The following SPATS2 variants were observed in gnomAD, a reference collection of about 807,000 sequenced individuals.
The protein encoded by SPATS2 is spermatogenesis associated serine rich 2.
A neutral mutation model predicts 63.7 loss-of-function variants in SPATS2; 38 were observed. The observed-to-expected ratio is 0.60, with a 90% CI of 0.46 to 0.78. The LOEUF is 0.78. SPATS2 is among the 30% of genes least tolerant of loss of function. The pLI, the probability that SPATS2 is intolerant of heterozygous loss-of-function variation, is 0.00. For synonymous variants in SPATS2, 207 were observed against 232.9 expected (o/e 0.89, Z 1.01); for missense variants, 588 against 666.2 (o/e 0.88, Z 1.29).
At chr12:49,465,300 A>G (rs56322609) in intron 3 of SPATS2, among the ~76,000 whole-genome samples, 7,487 of 152,214 alleles carry the variant, frequency 0.049, 365 homozygotes, top group African/African-American at 0.12. Flanking sequence ...CAGTTTTACA[A>G]TCCCACCAGC....
intron 2 of SPATS2, among the ~76,000 whole-genome samples, chr12:49,445,820 T>G (rs957084461): frequency 1.3e-5 from 2 of 151,800 alleles, no homozygotes; most frequent in Non-Finnish European, 2.9e-5. Context: ...CCATCGTGCC[T>G]GGCCTGGCTT....
At chr12:49,464,579 A>G (rs940298652) in intron 3 of SPATS2, among the ~76,000 whole-genome samples, 1 of 149,004 alleles carries the variant, frequency 6.7e-6, no homozygotes, top group Non-Finnish European at 1.5e-5. Context: ...ATGAGCCGAG[A>G]TCGTGCCATT....
chr12:49,490,184 T>G (rs1819127230), intron 5 of SPATS2: 1 of 153,252 alleles, frequency 6.5e-6, no homozygotes, highest in African/African-American at 2.4e-5. Flanking sequence ...TTTATTTTCC[T>G]GAATCTGCCA....
chr12:49,514,575 C>T lies in SPATS2; in HGVS notation c.860C>T (p.Ala287Val), dbSNP rs776164528. The T allele has an allele frequency of 1.4e-5, 23 of 1,612,898 alleles. No individual in the cohort carries two copies. The highest frequency in any genetic ancestry group is 3.3e-4 in the Middle Eastern group (2 of 6,054). ...CCTAGTTTAATGGATCGAGAAGTGG[C>T]GTTGCTTGCTGAAATGGACAAAGTG... ...LESCLMDREVALLAEMDKVKA... is the reference protein window; with the variant it reads ...LESCLMDREVVLLAEMDKVKA... Residue 287 changes from alanine to valine, a missense_variant, in exon 10 of 14, where the codon GCG becomes GTG. By Grantham distance (64) the Ala-to-Val change is moderately conservative (BLOSUM62 0). Coordinates refer to ENST00000552918, the MANE Select transcript of SPATS2 (RefSeq NM_023071.4).
In SPATS2 at chr12:49,519,178, T is replaced by C. The variant is rs1946897234; in HGVS notation, c.1004T>C (p.Ile335Thr). The C allele has an allele frequency of 6.2e-7, 1 of 1,612,244 alleles. No homozygotes were observed. The highest frequency in any genetic ancestry group is 8.5e-7 in the Non-Finnish European group (1 of 1,179,086). ...CAATTGGTTGAGCTCAGAGCTGATA[T>C]CAAGGTAAAACTTCTTTCTGCTTTC... is the stretch of plus-strand genomic sequence containing the variant. ...EQQLVELRAD[I>T]KHFVSERKYD... Residue 335 changes from isoleucine (I) to threonine (T), a missense_variant, in exon 11 of 14, where the codon ATC becomes ACC. Coordinates refer to ENST00000552918, the MANE Select transcript of SPATS2 (RefSeq NM_023071.4).
At chr12:49,422,088 G>C (rs1944994024) in intron 2 of SPATS2, among the ~76,000 whole-genome samples, 1 of 152,150 alleles carries the variant, frequency 6.6e-6, no homozygotes, top group Non-Finnish European at 1.5e-5. Context: ...ATTTCATGCT[G>C]TGTGATTTTA....
chr12:49,420,989 A>C (rs1022725825), intron 2 of SPATS2, among the ~76,000 whole-genome samples: 1 of 152,246 alleles, frequency 6.6e-6, no homozygotes, highest in African/African-American at 2.4e-5. Flanking sequence ...CCTGGGCCAC[A>C]GAATGAGACC....
At chr12:49,474,338 AT>A (rs1304168175) in intron 3 of SPATS2, among the ~76,000 whole-genome samples, 8 of 152,252 alleles carry the variant, frequency 5.3e-5, no homozygotes, top group African/African-American at 1.7e-4. Context: ...GACAGGTTTA[AT>A]TCTCATTGAT....
intron 2 of SPATS2, among the ~76,000 whole-genome samples, chr12:49,413,672 A>T (rs569138885): frequency 6.6e-6 from 1 of 152,292 alleles, no homozygotes; most frequent in East Asian, 1.9e-4. Flanking sequence ...TTTGAGGTCC[A>T]GGATCTTGCT....
At chr12:49,459,934 T>G (rs916577224) in intron 2 of SPATS2, among the ~76,000 whole-genome samples, 4 of 122,876 alleles carry the variant, frequency 3.3e-5, no homozygotes, top group African/African-American at 1.4e-4. Flanking sequence ...AAACCCTGTC[T>G]CTACTGAAAA....
At chr12:49,391,850 T>C (rs1944424392) in intron 2 of SPATS2, among the ~76,000 whole-genome samples, 1 of 152,190 alleles carries the variant, frequency 6.6e-6, no homozygotes, top group South Asian at 2.1e-4. Flanking sequence ...AAGTTTGGGC[T>C]GAGTGGGGTG....
At chr12:49,430,896 C>T (rs945836883) in intron 2 of SPATS2, among the ~76,000 whole-genome samples, 2 of 152,052 alleles carry the variant, frequency 1.3e-5, no homozygotes, top group Non-Finnish European at 2.9e-5. Flanking sequence ...GATGGAGTTT[C>T]ACCATGTTGG....
At chr12:49,515,055 G>A (rs1946815589) in intron 10 of SPATS2, among the ~76,000 whole-genome samples, 1 of 152,116 alleles carries the variant, frequency 6.6e-6, no homozygotes, top group Non-Finnish European at 1.5e-5. Flanking sequence ...TCAGTTTATA[G>A]AACAGTCTTC....
intron 2 of SPATS2, among the ~76,000 whole-genome samples, chr12:49,444,386 T>G (rs1210563108): frequency 6.6e-6 from 1 of 151,892 alleles, no homozygotes; most frequent in Non-Finnish European, 1.5e-5. Context: ...CCCAGCTAAT[T>G]TAAATTTTTT....
At chr12:49,424,226 A>G (rs145840637) in intron 2 of SPATS2, among the ~76,000 whole-genome samples, 1 of 152,136 alleles carries the variant, frequency 6.6e-6, no homozygotes, top group African/African-American at 2.4e-5. Flanking sequence ...AAACAAACAA[A>G]AAAAACAAAC....
intron 2 of SPATS2, among the ~76,000 whole-genome samples, chr12:49,385,357 A>AGTGTGTGTGTGTGTGTGTGTGTGTGTGT (rs57896651): frequency 5.6e-5 from 8 of 141,986 alleles, no homozygotes; most frequent in Non-Finnish European, 1.1e-4. Flanking sequence ...TAAGTATATA[A>AGTGTGTGTGTGTGTGTGTGTGTGTGTGT]GTGTGTGTGT....
chr12:49,491,590 T>G (rs1266067121), intron 6 of SPATS2, among the ~76,000 whole-genome samples: 2 of 152,080 alleles, frequency 1.3e-5, no homozygotes, highest in African/African-American at 4.8e-5. Flanking sequence ...GATGTTCCAC[T>G]TTGAGAGGTA....
intron 2 of SPATS2, among the ~76,000 whole-genome samples, chr12:49,425,811 T>C (rs916002314): frequency 4.3e-4 from 65 of 151,980 alleles, no homozygotes; most frequent in African/African-American, 1.5e-3. Context: ...TTTGTATTTT[T>C]AGTAGAGACG....
chr12:49,431,990 T>C (rs1248015145), intron 2 of SPATS2, among the ~76,000 whole-genome samples: 1 of 151,928 alleles, frequency 6.6e-6, no homozygotes, highest in African/African-American at 2.4e-5. Context: ...CAAGACCTTG[T>C]CAAAAAAAAC....
Sources: gnomAD v4.1 joint callset for allele counts (sites outside exome capture counted in the v4.1 genomes callset) on GRCh38, gnomAD v4.1.1 for gene constraint, MANE v1.5 for transcripts, NCBI Gene and HGNC (gene_info 2026-07-23, HGNC 2026-07-21) for gene names.